Variants in LAMA1 observed in about 807,000 individuals in gnomAD.
LAMA1 encodes laminin subunit alpha 1, also known as laminin subunit alpha-1.
In LAMA1, 219 loss-of-function variants were observed where a neutral mutation model predicts 348.7. That is an observed-to-expected ratio of 0.63 (90% CI 0.56 to 0.70). LAMA1 has a LOEUF of 0.70. Among genes scored for constraint, LAMA1 ranks in the 30% least tolerant of loss-of-function variants. The pLI is 0.00. For synonymous variants in LAMA1, 1,487 were observed against 1,491.0 expected (o/e 1.00, Z 0.06); for missense variants, 3,744 against 3,888.0 (o/e 0.96, Z 0.99).
chr18:6,972,984 C>T, intron 47 of LAMA1, 73 bp downstream of exon 47: 2 of 1,568,210 alleles, frequency 1.3e-6, no homozygotes, highest in South Asian at 1.1e-5. Flanking sequence ...AGCCACCACG[C>T]CCGGCCCATG....
intron 1 of LAMA1, among the ~76,000 whole-genome samples, chr18:7,114,023 GCCGAGATCGTGCCACTGCACT>G (rs2058345742): frequency 6.7e-6 from 1 of 149,354 alleles, no homozygotes; most frequent in Non-Finnish European, 1.5e-5. Context: ...CTTGCAGTGA[GCCGAGATCGTGCCACTGCACT>G]CCAGCCTGGG....
chr18:7,053,555 G>A (rs1342812078), intron 3 of LAMA1, among the ~76,000 whole-genome samples: 1 of 151,704 alleles, frequency 6.6e-6, no homozygotes, highest in Admixed American at 6.6e-5. Flanking sequence ...AACAAACTGG[G>A]GGGAAAAAAA....
Position 6,977,786 on chromosome 18 carries a change from T to C in LAMA1, c.6286A>G (p.Ser2096Gly). The C allele has an allele frequency of 1.2e-6, 2 of 1,614,180 alleles. No individual in the cohort carries two copies. Among genetic ancestry groups the C allele is most frequent in the Non-Finnish European group, 1.7e-6 (2 of 1,180,044 alleles). Reference sequence around the variant, plus strand: ...AGTTTAATTTCTGATAGGTTTCTGCTCAGATTCTCCTCTAACATCTTCAAA... The same window carrying C: ...AGTTTAATTTCTGATAGGTTTCTGCCCAGATTCTCCTCTAACATCTTCAAA... ...KPLKMLEENL[S>G]RNLSEIKLLI... The change falls in exon 44 of 63, where the codon AGC becomes GGC. Residue 2096 changes from serine (S) to glycine (G), a missense_variant. By Grantham distance (56) the Ser-to-Gly change is moderately conservative. Transcript: ENST00000389658.
intron 11 of LAMA1, among the ~76,000 whole-genome samples, chr18:7,038,206 C>A (rs1018730183): frequency 2.0e-5 from 3 of 152,298 alleles, no homozygotes; most frequent in Admixed American, 1.3e-4. Context: ...GTACTCCCCC[C>A]AGCGTGGTGT....
chr18:7,001,154 T>C (rs1196580195), intron 30 of LAMA1, among the ~76,000 whole-genome samples: 1 of 152,202 alleles, frequency 6.6e-6, no homozygotes, highest in Non-Finnish European at 1.5e-5. Flanking sequence ...TTTTCCAAAA[T>C]GGCATCACAC....
chr18:7,016,880 T>C (rs2057890917), intron 20 of LAMA1, among the ~76,000 whole-genome samples: 1 of 152,054 alleles, frequency 6.6e-6, no homozygotes, highest in Non-Finnish European at 1.5e-5. Flanking sequence ...TGACTCTGTG[T>C]CCCCACCCAA....
At chr18:7,005,095 T>A (rs1250952561) in intron 29 of LAMA1, among the ~76,000 whole-genome samples, 2 of 152,170 alleles carry the variant, frequency 1.3e-5, no homozygotes, top group African/African-American at 4.8e-5. Flanking sequence ...CACCACAGGC[T>A]GGTGAACGGA....
At chr18:6,943,930 G>A (rs1454109662) in intron 61 of LAMA1, among the ~76,000 whole-genome samples, 1 of 151,448 alleles carries the variant, frequency 6.6e-6, no homozygotes, top group Admixed American at 6.6e-5. Flanking sequence ...ATGACCACAA[G>A]TCTGAGCACA....
chr18:7,010,468 G>A, intron 25 of LAMA1, 83 bp from the exon 26 acceptor site: 1 of 1,276,826 alleles, frequency 7.8e-7, no homozygotes, highest in Non-Finnish European at 1.1e-6. Context: ...CACCATAAGA[G>A]AGAAATCTTG....
Position 6,978,258 on chromosome 18 carries a change from A to G in LAMA1, c.6128T>C (p.Leu2043Pro). 1 of 1,614,104 alleles carries G rather than the reference A, an allele frequency of 6.2e-7. No homozygotes were observed. Among genetic ancestry groups the G allele is most frequent in the Middle Eastern group, 1.6e-4 (1 of 6,084 alleles). ...TCGTAATGTGGTGTTGACCCTGGAC[A>G]GGCTGGCAGATGTGTTCAGCAGCTC... ...SQELLNTSAS[L>P]SRVNTTLRET... is the part of the protein sequence containing the mutation. The change falls in exon 43 of 63, where the codon CTG becomes CCG. Residue 2043 changes from leucine to proline, a missense_variant. Physicochemically the swap from Leu to Pro is moderately conservative, Grantham distance 98. This residue lies in a region of LAMA1 where 1,983 missense variants were observed against 1,934.3 expected (regional missense o/e 1.03). Coordinates refer to ENST00000389658, the MANE Select transcript of LAMA1 (RefSeq NM_005559.4).
intron 59 of LAMA1, 141 bp downstream of exon 59, chr18:6,948,960 A>G (rs2057534181): frequency 3.7e-6 from 4 of 1,078,348 alleles, no homozygotes; most frequent in Non-Finnish European, 5.4e-6. Flanking sequence ...ATCTGTGGAC[A>G]TGCCTGCAAA....
At chr18:7,009,192 C>A (rs202176515) in intron 27 of LAMA1, 47 bp downstream of exon 27, 1 of 1,611,568 alleles carries the variant, frequency 6.2e-7, no homozygotes, top group Admixed American at 1.7e-5. Flanking sequence ...TTTCAGTTTG[C>A]TTTCAAATAT....
intron 36 of LAMA1, among the ~76,000 whole-genome samples, chr18:6,991,069 C>T (rs546458151): frequency 2.6e-5 from 4 of 152,230 alleles, no homozygotes; most frequent in Non-Finnish European, 5.9e-5. Flanking sequence ...ACGTCCTCCT[C>T]TCATTCCCCC....
intron 9 of LAMA1, among the ~76,000 whole-genome samples, chr18:7,041,718 C>G (rs779714121): frequency 2.0e-5 from 3 of 152,214 alleles, no homozygotes; most frequent in Non-Finnish European, 4.4e-5. Flanking sequence ...AGAGCAATTG[C>G]TATTTACTGT....
At chr18:7,099,326 A>G (rs971220652) in intron 1 of LAMA1, among the ~76,000 whole-genome samples, 26 of 151,644 alleles carry the variant, frequency 1.7e-4, no homozygotes, top group South Asian at 6.3e-4. Context: ...GGACACAAAC[A>G]CTGCGGAAGG....
chr18:6,956,475 TC>T lies in LAMA1; in HGVS notation c.8094+160del, dbSNP rs746433395. 12 of 1,224,016 alleles carry T rather than the reference TC, an allele frequency of 9.8e-6. No homozygotes were observed. In the East Asian group the frequency reaches 2.8e-4, roughly 29 times the overall value. 75.8% of individuals were successfully genotyped at this position (1,224,016 alleles called of 1,614,324 possible). ...CATCTGAGTTGCTTGAGGCACCCTT[TC>T]CCTCCCTGTCCCCGCTCTGATTTTT... is the stretch of plus-strand genomic sequence containing the variant. On this transcript the variant is annotated intron_variant, in intron 56 of 62. Transcript: ENST00000389658.
intron 19 of LAMA1, 55 bp from the exon 20 acceptor site, chr18:7,017,439 T>C: frequency 7.9e-7 from 1 of 1,270,814 alleles, no homozygotes; most frequent in Non-Finnish European, 1.1e-6. Context: ...ATGGTTATCA[T>C]AAGATCCGTC....
intron 27 of LAMA1, among the ~76,000 whole-genome samples, chr18:7,008,831 AC>A (rs1180999602): frequency 6.6e-6 from 1 of 152,306 alleles, no homozygotes; most frequent in Admixed American, 6.5e-5. Context: ...ACACAAGTAC[AC>A]CTAAAAGACC....
intron 3 of LAMA1, 107 bp from the exon 4 acceptor site, chr18:7,051,043 A>C: frequency 7.1e-7 from 1 of 1,414,760 alleles, no homozygotes; most frequent in Non-Finnish European, 9.7e-7. Context: ...AGATAGTTGA[A>C]CTTAGAATCA....
Sources: gnomAD v4.1 joint callset for allele counts (sites outside exome capture counted in the v4.1 genomes callset) on GRCh38, gnomAD v4.1.1 for gene constraint, gnomAD v4.1.1 regional missense constraint, MANE v1.5 for transcripts, NCBI Gene and HGNC (gene_info 2026-07-23, HGNC 2026-07-21) for gene names.